The following MSRA variants were observed in gnomAD, a reference collection of about 807,000 sequenced individuals.
MSRA encodes the protein methionine sulfoxide reductase A, also known as mitochondrial peptide methionine sulfoxide reductase.
MSRA carries 54 observed loss-of-function variants against 31.3 expected under a neutral mutation model. That is an observed-to-expected ratio of 1.73 (90% CI 1.39 to 2.17). The LOEUF (loss-of-function observed/expected upper bound fraction) is 2.17. Ranked by LOEUF, MSRA falls within the 30% of genes most tolerant of loss-of-function variation. The probability of loss-of-function intolerance (pLI) is 0.00; values close to 1 mark genes in which losing one functional copy is unlikely to be tolerated. For synonymous variants in MSRA, 169 were observed against 116.5 expected (o/e 1.45, Z -2.90); for missense variants, 507 against 300.9 (o/e 1.69, Z -5.07).
chr8:10,155,230 T>C (rs543086510), intron 1 of MSRA, among the ~76,000 whole-genome samples: 6 of 152,072 alleles, frequency 3.9e-5, no homozygotes, highest in African/African-American at 1.4e-4. Flanking sequence ...CTGAAACTAT[T>C]TTGTGTTTAT....
intron 5 of MSRA, among the ~76,000 whole-genome samples, chr8:10,416,946 C>G (rs1006667165): frequency 1.3e-5 from 2 of 152,176 alleles, no homozygotes; most frequent in Non-Finnish European, 2.9e-5. Context: ...CCTTAGCAGT[C>G]TGAAGACACT....
At chr8:10,096,887 A>T (rs1311776094) in intron 1 of MSRA, among the ~76,000 whole-genome samples, 1 of 152,178 alleles carries the variant, frequency 6.6e-6, no homozygotes, top group Non-Finnish European at 1.5e-5. Flanking sequence ...TTAAGTTATG[A>T]CTTCCTATAA....
chr8:10,096,296 C>T (rs776158653), intron 1 of MSRA: 9 of 1,124,998 alleles, frequency 8.0e-6, no homozygotes, highest in Admixed American at 4.8e-5. Flanking sequence ...CACCAGACTT[C>T]GCTTGAAGGG....
At chr8:10,292,687 G>C (rs1285130700) in intron 3 of MSRA, among the ~76,000 whole-genome samples, 1 of 152,220 alleles carries the variant, frequency 6.6e-6, no homozygotes, top group Non-Finnish European at 1.5e-5. Flanking sequence ...GCTCAGAGAA[G>C]CCTCCTGGAG....
At position 10,136,089 on chromosome 8, in the gene MSRA, C is replaced by T. The variant is rs115200065; in HGVS notation, c.143-71744C>T. On this transcript the variant is annotated intron_variant, in intron 1 of 5. Coordinates refer to ENST00000317173, the MANE Select transcript of MSRA (RefSeq NM_012331.5). Reference sequence around the variant, plus strand: ...GGCATCTGGAACACTGTATTCTATCCATTTTAAATTTTAGGCCATGAAAGT... The same window carrying T: ...GGCATCTGGAACACTGTATTCTATCTATTTTAAATTTTAGGCCATGAAAGT... 8.6e-3 allele frequency among the ~76,000 whole-genome samples: 1,314 copies of T among 152,222 alleles called. 18 individuals carry two copies. The highest frequency in any genetic ancestry group is 0.029 in the African/African-American group (1,192 of 41,510).
chr8:10,083,247 A>T (rs915586339), intron 1 of MSRA, among the ~76,000 whole-genome samples: 1 of 152,224 alleles, frequency 6.6e-6, no homozygotes, highest in Non-Finnish European at 1.5e-5. Flanking sequence ...TAGTTTTAAC[A>T]AGTTACTTTG....
intron 1 of MSRA, among the ~76,000 whole-genome samples, chr8:10,103,750 C>T (rs191273703): frequency 6.3e-4 from 95 of 151,298 alleles, no homozygotes; most frequent in African/African-American, 2.2e-3. Context: ...TATCGAAGAC[C>T]TTCAAATAGA....
intron 3 of MSRA, among the ~76,000 whole-genome samples, chr8:10,262,477 T>C (rs1798533324): frequency 6.6e-6 from 1 of 152,218 alleles, no homozygotes; most frequent in African/African-American, 2.4e-5. Flanking sequence ...TGACATATGA[T>C]GTGGAGTATG....
At chr8:10,066,156 T>C (rs992209403) in intron 1 of MSRA, among the ~76,000 whole-genome samples, 1 of 152,150 alleles carries the variant, frequency 6.6e-6, no homozygotes, top group African/African-American at 2.4e-5. Context: ...CTTGAGTAGC[T>C]GGGATTACAG....
chr8:10,428,255 T>A lies in MSRA; in HGVS notation c.651T>A (p.Asn217Lys), dbSNP rs767209664. 8.7e-6 allele frequency: 14 copies of A among 1,613,984 alleles called. No homozygotes were observed. Among genetic ancestry groups the A allele is most frequent in the Middle Eastern group, 1.6e-4 (1 of 6,082 alleles). Residue 217 changes from asparagine to lysine, a missense_variant, in exon 6 of 6, where the codon AAT becomes AAA. Transcript: ENST00000317173. ...YHQQYLSKNP[N>K]GYCGLGGTGV... ...AGCAGTACCTGAGCAAGAACCCCAATGGCTACTGCGGCCTTGGGGGCACCG... is the reference window on the plus strand; with the variant it reads ...AGCAGTACCTGAGCAAGAACCCCAAAGGCTACTGCGGCCTTGGGGGCACCG...
intron 1 of MSRA, among the ~76,000 whole-genome samples, chr8:10,066,605 C>T (rs1246271319): frequency 2.0e-5 from 3 of 152,214 alleles, no homozygotes. Context: ...GCGATCTCTG[C>T]TCACTGCAAC....
intron 1 of MSRA, among the ~76,000 whole-genome samples, chr8:10,107,393 C>T (rs188515693): frequency 3.9e-5 from 6 of 152,026 alleles, no homozygotes; most frequent in African/African-American, 1.4e-4. Flanking sequence ...CTTTTCTGAC[C>T]TCCTGAGAAA....
chr8:10,351,045 C>A (rs1024039623), intron 5 of MSRA, among the ~76,000 whole-genome samples: 1 of 152,208 alleles, frequency 6.6e-6, no homozygotes, highest in African/African-American at 2.4e-5. Context: ...GGAAAGAGAA[C>A]CTCGTTTAAG....
chr8:10,392,611 G>A (rs965594202), intron 5 of MSRA, among the ~76,000 whole-genome samples: 4 of 151,870 alleles, frequency 2.6e-5, no homozygotes, highest in African/African-American at 9.7e-5. Context: ...CGAATCTGGT[G>A]GTAAGGATGT....
chr8:10,120,787 C>T (rs1294382677), intron 1 of MSRA, among the ~76,000 whole-genome samples: 1 of 152,202 alleles, frequency 6.6e-6, no homozygotes, highest in Non-Finnish European at 1.5e-5. Flanking sequence ...CTTGTTCTCT[C>T]TCCAAACGCT....
intron 1 of MSRA, among the ~76,000 whole-genome samples, chr8:10,104,885 C>G (rs923771081): frequency 5.9e-5 from 9 of 152,088 alleles, no homozygotes; most frequent in Non-Finnish European, 1.2e-4. Context: ...GTTTCCAGTA[C>G]CCATTTATAT....
chr8:10,054,356 A>T lies in MSRA; in HGVS notation c.-161A>T. On this transcript the variant is annotated 5_prime_UTR_variant, in exon 1 of 6. Transcript: ENST00000317173. ...GCCCCGGGTTTGGGCAACCTCGATT[A>T]CGGGCGGCCTCCAGCCCCGCCAGCA... The T allele has an allele frequency of 1.6e-6, 1 of 610,408 alleles. No individual in the cohort carries two copies. Among genetic ancestry groups the T allele is most frequent in the Non-Finnish European group, 2.4e-6 (1 of 424,156 alleles). The allele number at this position is 610,408 out of a possible 1,614,324, so 37.8% of individuals were successfully genotyped here.
At chr8:10,198,330 T>G (rs973849004) in intron 1 of MSRA, among the ~76,000 whole-genome samples, 1 of 152,078 alleles carries the variant, frequency 6.6e-6, no homozygotes, top group East Asian at 1.9e-4. Flanking sequence ...TTTTTTGTTG[T>G]TCTTACTTTT....
intron 1 of MSRA, among the ~76,000 whole-genome samples, chr8:10,065,147 C>A (rs1420796471): frequency 2.0e-5 from 3 of 152,126 alleles, no homozygotes; most frequent in African/African-American, 7.2e-5. Flanking sequence ...GTCTGGCTTA[C>A]CATTCAGCAT....
Sources: gnomAD v4.1 joint callset for allele counts (sites outside exome capture counted in the v4.1 genomes callset) on GRCh38, gnomAD v4.1.1 for gene constraint, MANE v1.5 for transcripts, NCBI Gene and HGNC (gene_info 2026-07-23, HGNC 2026-07-21) for gene names.